Variants in RSRC1 observed in about 807,000 individuals in gnomAD.
RSRC1 encodes serine/Arginine-related protein 53.
A neutral mutation model predicts 49.1 loss-of-function variants in RSRC1; 39 were observed. The ratio of observed to expected loss-of-function variants is 0.79; its 90% CI spans 0.61 to 1.04. The LOEUF is 1.04. RSRC1 is among the 50% of genes least tolerant of loss of function. RSRC1 has a pLI of 0.00. For synonymous variants in RSRC1, 143 were observed against 130.8 expected (o/e 1.09, Z -0.63); for missense variants, 388 against 402.4 (o/e 0.96, Z 0.31).
At chr3:158,420,826 A>G (rs1451338981) in intron 6 of RSRC1, among the ~76,000 whole-genome samples, 1 of 151,964 alleles carries the variant, frequency 6.6e-6, no homozygotes, top group African/African-American at 2.4e-5. Context: ...AGCACTTTCT[A>G]TATGCAGACA....
At chr3:158,480,947 T>C (rs762369489) in intron 7 of RSRC1, among the ~76,000 whole-genome samples, 1 of 152,034 alleles carries the variant, frequency 6.6e-6, no homozygotes, top group Non-Finnish European at 1.5e-5. Context: ...TGACTCTTGA[T>C]ACTGCTCATC....
chr3:158,280,637 CTTTTTTTTTTT>C lies in RSRC1; in HGVS notation c.495-17385_495-17375del, dbSNP rs146925471. On this transcript the variant is annotated intron_variant, in intron 4 of 9. Transcript: ENST00000611884. Reference sequence around the variant, plus strand: ...TTTGAGCTCAAGAATGAAGTGATTCCTTTTTTTTTTTTTTTTTTTTTTTTTTTGAGACGGAG... The same window carrying C: ...TTTGAGCTCAAGAATGAAGTGATTCCTTTTTTTTTTTTTTTTGAGACGGAG... Among the ~76,000 whole-genome samples, 22 of 64,018 alleles carry C rather than the reference CTTTTTTTTTTT, an allele frequency of 3.4e-4. 2 individuals carry two copies. The highest frequency in any genetic ancestry group is 1.3e-3 in the African/African-American group (21 of 15,724). 42.0% of individuals were successfully genotyped at this position (64,018 alleles called of 152,430 possible). A position where few individuals can be genotyped will look rare whatever the true frequency, so the allele number is the denominator to read the frequency against.
intron 3 of RSRC1, among the ~76,000 whole-genome samples, chr3:158,142,403 T>G (rs1316306863): frequency 6.6e-6 from 1 of 152,180 alleles, no homozygotes; most frequent in African/African-American, 2.4e-5. Context: ...TGTGGAGTAC[T>G]TTTGGAGTAG....
Position 158,345,844 on chromosome 3 carries a change from AAT to A in RSRC1, c.532-9004_532-9003del, listed in dbSNP as rs536526492. Among the ~76,000 whole-genome samples the A allele has an allele frequency of 9.4e-3, 1,397 of 148,234 alleles. 19 individuals are homozygous for A. The highest frequency in any genetic ancestry group is 0.032 in the African/African-American group (1,326 of 40,854). Reference sequence around the variant, plus strand: ...TGCATTATATATAATAATAAACAATAATATATATATTTATCATATATATATGG... The same window carrying A: ...TGCATTATATATAATAATAAACAATAATATATATTTATCATATATATATGG... On this transcript the variant is annotated intron_variant, in intron 5 of 9. Transcript: ENST00000611884.
chr3:158,112,866 G>C (rs749018440), intron 1 of RSRC1, among the ~76,000 whole-genome samples: 9 of 151,996 alleles, frequency 5.9e-5, no homozygotes, highest in Non-Finnish European at 1.3e-4. Context: ...TCAATATTCA[G>C]CTCCCACTTA....
intron 8 of RSRC1, among the ~76,000 whole-genome samples, chr3:158,542,661 G>A (rs55838364): frequency 0.082 from 12,525 of 152,274 alleles, 550 homozygotes; most frequent in East Asian, 0.12. Flanking sequence ...TACCTAGGAT[G>A]GAAAGGTTGG....
At chr3:158,122,020 A>T in intron 1 of RSRC1, 83 bp from the exon 2 acceptor site, 1 of 753,118 alleles carries the variant, frequency 1.3e-6, no homozygotes, top group Non-Finnish European at 1.9e-6. Flanking sequence ...TAAATAAATA[A>T]ATGAAATAAA....
chr3:158,284,376 G>A (rs9870365), intron 4 of RSRC1, among the ~76,000 whole-genome samples: 62,202 of 138,148 alleles, frequency 0.45, 14,680 homozygotes, highest in East Asian at 0.61. Flanking sequence ...TCTTTATAGC[G>A]GCATGATTTA....
intron 6 of RSRC1, among the ~76,000 whole-genome samples, chr3:158,383,940 T>C (rs1220183206): frequency 6.6e-6 from 1 of 152,094 alleles, no homozygotes; most frequent in East Asian, 1.9e-4. Context: ...AGAAAAACTT[T>C]ATGGGAAAAT....
At chr3:158,249,088 C>T (rs951476694) in intron 4 of RSRC1, among the ~76,000 whole-genome samples, 1 of 152,006 alleles carries the variant, frequency 6.6e-6, no homozygotes, top group Non-Finnish European at 1.5e-5. Flanking sequence ...TGTGTATCTT[C>T]TTTTGTGTAG....
At chr3:158,318,594 A>G (rs1035198148) in intron 5 of RSRC1, among the ~76,000 whole-genome samples, 1 of 152,232 alleles carries the variant, frequency 6.6e-6, no homozygotes, top group African/African-American at 2.4e-5. Flanking sequence ...TGGGGGGAAA[A>G]AGAAAAAAGG....
intron 6 of RSRC1, among the ~76,000 whole-genome samples, chr3:158,397,967 G>A (rs1733699649): frequency 6.6e-6 from 1 of 152,072 alleles, no homozygotes; most frequent in African/African-American, 2.4e-5. Context: ...ATGGAATGAG[G>A]CTTGTGATAC....
chr3:158,169,668 C>T (rs1421627042), intron 3 of RSRC1, among the ~76,000 whole-genome samples: 1 of 152,072 alleles, frequency 6.6e-6, no homozygotes, highest in Non-Finnish European at 1.5e-5. Flanking sequence ...AATCTTGGCC[C>T]TAACCCCATC....
chr3:158,532,826 T>C (rs1576612611), intron 7 of RSRC1, among the ~76,000 whole-genome samples: 1 of 151,968 alleles, frequency 6.6e-6, no homozygotes, highest in South Asian at 2.1e-4. Context: ...AAACATCCCA[T>C]ATTAATTCTC....
At chr3:158,218,929 A>T (rs542613736) in intron 4 of RSRC1, among the ~76,000 whole-genome samples, 1 of 151,814 alleles carries the variant, frequency 6.6e-6, no homozygotes, top group East Asian at 1.9e-4. Flanking sequence ...TGATCTCAAG[A>T]AACTTCCATG....
At chr3:158,534,177 A>G (rs16829084) in intron 7 of RSRC1, among the ~76,000 whole-genome samples, 1 of 151,684 alleles carries the variant, frequency 6.6e-6, no homozygotes, top group African/African-American at 2.4e-5. Flanking sequence ...TCTTCATAAG[A>G]GCCATCTTTC....
chr3:158,133,624 G>C (rs1317593115), intron 3 of RSRC1, among the ~76,000 whole-genome samples: 2 of 152,136 alleles, frequency 1.3e-5, no homozygotes, highest in Admixed American at 6.6e-5. Flanking sequence ...CATATCTTCA[G>C]TAGAAAAATT....
At chr3:158,439,529 C>G (rs1171616269) in intron 6 of RSRC1, among the ~76,000 whole-genome samples, 1 of 152,022 alleles carries the variant, frequency 6.6e-6, no homozygotes, top group Non-Finnish European at 1.5e-5. Flanking sequence ...ATGGATGAAG[C>G]TGGAAACCAT....
chr3:158,271,643 T>C (rs1725524785), intron 4 of RSRC1, among the ~76,000 whole-genome samples: 1 of 152,124 alleles, frequency 6.6e-6, no homozygotes, highest in Non-Finnish European at 1.5e-5. Context: ...CCTACATTTG[T>C]TTGTAAAATT....
Sources: gnomAD v4.1 joint callset for allele counts (sites outside exome capture counted in the v4.1 genomes callset) on GRCh38, gnomAD v4.1.1 for gene constraint, MANE v1.5 for transcripts, NCBI Gene and HGNC (gene_info 2026-07-23, HGNC 2026-07-21) for gene names.